Variants in NNMT observed in about 807,000 individuals in gnomAD.
The protein encoded by NNMT is nicotinamide N-methyltransferase.
In NNMT, 10 loss-of-function variants were observed where a neutral mutation model predicts 11.7. That is an observed-to-expected ratio of 0.85 (90% CI 0.53 to 1.45). The LOEUF (loss-of-function observed/expected upper bound fraction) is 1.45. Among genes scored for constraint, NNMT ranks in the 40% most tolerant of loss-of-function variants. The pLI, the probability that NNMT is intolerant of heterozygous loss-of-function variation, is 0.00. For synonymous variants in NNMT, 143 were observed against 133.8 expected, an observed-to-expected ratio of 1.07 and a Z score of -0.48; for missense variants, 381 against 319.4, an observed-to-expected ratio of 1.19 and a Z score of -1.47.
chr11:114,307,524 C>T (rs1158007621), intron 2 of NNMT, among the ~76,000 whole-genome samples: 1 of 152,174 alleles, frequency 6.6e-6, no homozygotes, highest in African/African-American at 2.4e-5. Context: ...CCACTCAATT[C>T]TTCTCTGTTC....
At chr11:114,288,545 T>A (rs1945314358) in intron 2 of NNMT, among the ~76,000 whole-genome samples, 2 of 152,168 alleles carry the variant, frequency 1.3e-5, no homozygotes, top group South Asian at 4.1e-4. Flanking sequence ...TAAATCACTT[T>A]GTATTCCTGG....
At chr11:114,309,990 T>C (rs1358160127) in intron 2 of NNMT, among the ~76,000 whole-genome samples, 3 of 152,254 alleles carry the variant, frequency 2.0e-5, no homozygotes, top group African/African-American at 7.2e-5. Context: ...TAATATTCCA[T>C]TATATGTATA....
intron 2 of NNMT, among the ~76,000 whole-genome samples, chr11:114,308,525 C>T (rs747447849): frequency 2.6e-5 from 4 of 152,144 alleles, no homozygotes; most frequent in Non-Finnish European, 4.4e-5. Context: ...TCCCTCCCTT[C>T]CTCCCCATAC....
intron 2 of NNMT, among the ~76,000 whole-genome samples, chr11:114,289,046 G>A (rs530111361): frequency 2.0e-5 from 3 of 152,120 alleles, no homozygotes; most frequent in Admixed American, 6.5e-5. Context: ...AAAGCCATCT[G>A]CTCTGAAGAT....
intron 2 of NNMT, among the ~76,000 whole-genome samples, chr11:114,284,976 G>A (rs1038797271): frequency 6.6e-6 from 1 of 151,522 alleles, no homozygotes; most frequent in African/African-American, 2.4e-5. Context: ...TCATGTTGGC[G>A]AGGCTGGTCT....
intron 2 of NNMT, among the ~76,000 whole-genome samples, chr11:114,287,974 G>A (rs1244623708): frequency 6.6e-6 from 1 of 152,002 alleles, no homozygotes; most frequent in Non-Finnish European, 1.5e-5. Context: ...TTTATTCTTA[G>A]GTACTTCATA....
At chr11:114,260,362 A>C (rs1274653864) in intron 1 of NNMT, among the ~76,000 whole-genome samples, 1 of 152,204 alleles carries the variant, frequency 6.6e-6, no homozygotes, top group African/African-American at 2.4e-5. Context: ...TGTGGAACTG[A>C]AACTGCTTTT....
intron 2 of NNMT, among the ~76,000 whole-genome samples, chr11:114,283,965 A>G (rs575206061): frequency 6.6e-6 from 1 of 152,352 alleles, no homozygotes; most frequent in South Asian, 2.1e-4. Flanking sequence ...AGATGTCCTA[A>G]ATAGGTATCG....
chr11:114,303,158 A>G (rs1318929774), intron 2 of NNMT, among the ~76,000 whole-genome samples: 1 of 152,158 alleles, frequency 6.6e-6, no homozygotes, highest in East Asian at 1.9e-4. Context: ...CTTTCCCAAG[A>G]TCTGTTCTTC....
chr11:114,297,802 A>T, intron 1 of NNMT, 149 bp from the exon 2 acceptor site: 3 of 689,664 alleles, frequency 4.3e-6, no homozygotes, highest in Non-Finnish European at 4.9e-6. Flanking sequence ...AAGATGTTTT[A>T]AAAAAACATT....
At chr11:114,269,019 C>G (rs527552835) in intron 2 of NNMT, among the ~76,000 whole-genome samples, 1 of 151,994 alleles carries the variant, frequency 6.6e-6, no homozygotes, top group South Asian at 2.1e-4. Context: ...TTCACAAATT[C>G]TAAGAGGTAG....
intron 2 of NNMT, among the ~76,000 whole-genome samples, chr11:114,263,585 C>T (rs1004603446): frequency 1.8e-4 from 27 of 152,326 alleles, no homozygotes; most frequent in African/African-American, 5.8e-4. Flanking sequence ...GCTCTGCCCA[C>T]GATGGCACCA....
At chr11:114,288,701 T>C (rs1008830907) in intron 2 of NNMT, among the ~76,000 whole-genome samples, 5 of 152,304 alleles carry the variant, frequency 3.3e-5, no homozygotes, top group East Asian at 3.9e-4. Flanking sequence ...TTTTCTCATA[T>C]GCTGAAATGG....
chr11:114,269,214 G>A (rs894877214), intron 2 of NNMT, among the ~76,000 whole-genome samples: 5 of 152,148 alleles, frequency 3.3e-5, no homozygotes, highest in African/African-American at 9.7e-5. Flanking sequence ...CTTAATTAAT[G>A]TATTTTGGAT....
At chr11:114,265,575 A>G (rs1945113882) in intron 2 of NNMT, among the ~76,000 whole-genome samples, 1 of 152,142 alleles carries the variant, frequency 6.6e-6, no homozygotes, top group Admixed American at 6.5e-5. Context: ...GCCACGTTTG[A>G]AGTGAGTCCT....
chr11:114,281,733 C>T (rs1395237543), intron 2 of NNMT, among the ~76,000 whole-genome samples: 4 of 152,150 alleles, frequency 2.6e-5, no homozygotes, highest in African/African-American at 9.7e-5. Context: ...GAAAGGGCTT[C>T]TTGAACAGGT....
At chr11:114,290,600 C>T (rs1395051995) in intron 2 of NNMT, among the ~76,000 whole-genome samples, 1 of 152,110 alleles carries the variant, frequency 6.6e-6, no homozygotes, top group Non-Finnish European at 1.5e-5. Flanking sequence ...TTATTTTTAA[C>T]CACACAAGGC....
At chr11:114,263,306 A>ATTTTCTC (rs1341920914) in intron 2 of NNMT, among the ~76,000 whole-genome samples, 1 of 152,064 alleles carries the variant, frequency 6.6e-6, no homozygotes, top group Non-Finnish European at 1.5e-5. Context: ...AGTTATGATT[A>ATTTTCTC]TTTTCTCTTT....
chr11:114,300,417 A>G (rs1945427065), intron 2 of NNMT, among the ~76,000 whole-genome samples: 1 of 152,030 alleles, frequency 6.6e-6, no homozygotes. Context: ...GTAGTCAGAG[A>G]TTTATTTTGT....
Sources: gnomAD v4.1 joint callset for allele counts (sites outside exome capture counted in the v4.1 genomes callset) on GRCh38, gnomAD v4.1.1 for gene constraint, MANE v1.5 for transcripts, NCBI Gene and HGNC (gene_info 2026-07-23, HGNC 2026-07-21) for gene names.